The following LMTK2 variants were observed in gnomAD, a reference collection of about 807,000 sequenced individuals.
LMTK2 encodes the protein serine/threonine-protein kinase LMTK2.
In LMTK2, 37 loss-of-function variants were observed where a neutral mutation model predicts 127.5. The ratio of observed to expected loss-of-function variants is 0.29; its 90% CI spans 0.22 to 0.38. The LOEUF (loss-of-function observed/expected upper bound fraction) is 0.38, where lower values mean the gene tolerates loss of function less well. Ranked by LOEUF, LMTK2 falls within the 10% of genes least tolerant of loss-of-function variation. The pLI is 1.00. For missense variants in LMTK2, 1,694 were observed against 1,920.3 expected (o/e 0.88, Z 2.20); for synonymous variants, 819 against 810.1 (o/e 1.01, Z -0.19).
In LMTK2 at chr7:98,140,591, T is replaced by G. The variant is rs968514599; in HGVS notation, c.232-806T>G. Among the ~76,000 whole-genome samples, 3 of 152,316 alleles carry G rather than the reference T, an allele frequency of 2.0e-5. No homozygotes were observed. The East Asian group carries it at 5.8e-4, about 29-fold the overall frequency. ...TTTTTTTAGCTAATTTAGTAATGTTTCCATTGTTACTCTTTTCAGAGAAAT... is the reference window on the plus strand; with the variant it reads ...TTTTTTTAGCTAATTTAGTAATGTTGCCATTGTTACTCTTTTCAGAGAAAT... On this transcript the variant is annotated intron_variant, in intron 2 of 13. Transcript: ENST00000297293.
chr7:98,151,442 G>T lies in LMTK2; in HGVS notation c.437G>T (p.Gly146Val). The T allele has an allele frequency of 6.2e-7, 1 of 1,613,300 alleles. No homozygotes were observed. The highest frequency in any genetic ancestry group is 8.5e-7 in the Non-Finnish European group (1 of 1,179,290). The change falls in exon 4 of 14, where the codon GGC (glycine) becomes GTC (valine). Residue 146 changes from glycine to valine, a missense_variant. Transcript: ENST00000297293. ...SLNYIQEIGN[G>V]WFGKVLLGEI... ...AACTACATACAGGAAATTGGAAATG[G>T]CTGGTTTGGAAAGGTAAGATGCTCT...
Position 98,203,644 on chromosome 7 carries a change from C to G in LMTK2, c.4178C>G (p.Pro1393Arg), listed in dbSNP as rs1797742123. The change falls in exon 12 of 14, where the codon CCA (proline) becomes CGA (arginine). Residue 1393 changes from proline (P) to arginine (R), a missense_variant. By Grantham distance (103) the Pro-to-Arg change is moderately radical. Transcript: ENST00000297293. ...ACGPDLSGPA[P>R]ASGSPYLSRC... The stretch of plus-strand genomic sequence containing the variant: ...GGCCCGGACCTGAGCGGCCCAGCCC[C>G]AGCCTCAGGCTCTCCCTACCTGAGC... 2 of 1,613,794 alleles carry G rather than the reference C, an allele frequency of 1.2e-6. No individual in the cohort carries two copies. The highest frequency in any genetic ancestry group is 1.7e-6 in the Non-Finnish European group (2 of 1,179,962).
intron 1 of LMTK2, among the ~76,000 whole-genome samples, chr7:98,111,433 A>G (rs1796200036): frequency 6.6e-6 from 1 of 152,248 alleles, no homozygotes; most frequent in Non-Finnish European, 1.5e-5. Flanking sequence ...TTTAGTTGAG[A>G]GTAAAATTCA....
chr7:98,154,892 C>T lies in LMTK2; in HGVS notation c.569+16C>T, dbSNP rs371575543. On this transcript the variant is annotated intron_variant, in intron 5 of 13. Transcript: ENST00000297293. ...AACCTTACTAGTAAGTAAACCTTGT[C>T]ATGTGTTCTGTAAGACTAGTCTGTG... 1 of 1,418,116 alleles carries T rather than the reference C, an allele frequency of 7.1e-7. No individual in the cohort carries two copies. The highest frequency in any genetic ancestry group is 1.4e-5 in the African/African-American group (1 of 70,914). 87.8% of individuals were successfully genotyped at this position (1,418,116 alleles called of 1,614,324 possible). A position where few individuals can be genotyped will look rare whatever the true frequency, so the allele number is the denominator to read the frequency against.
chr7:98,116,890 G>C (rs955201625), intron 1 of LMTK2, among the ~76,000 whole-genome samples: 24 of 152,212 alleles, frequency 1.6e-4, no homozygotes, highest in Admixed American at 1.3e-4. Context: ...TGACTGGTCA[G>C]ATATTTTGTA....
In LMTK2 at chr7:98,125,317, AT is replaced by A. The variant is rs1215661262; in HGVS notation, c.104-11997del. On this transcript the variant is annotated intron_variant, in intron 1 of 13. Coordinates refer to ENST00000297293, the MANE Select transcript of LMTK2 (RefSeq NM_014916.4). ...GACTCCGTCTCAAAAAAAAAAAAAA[AT>A]CTCCCCAGTCCTTTGTTTTATTTTT... Among the ~76,000 whole-genome samples, 6 of 149,952 alleles carry A rather than the reference AT, an allele frequency of 4.0e-5. No individual in the cohort carries two copies. The South Asian group carries it at 6.4e-4, about 16-fold the overall frequency.
At position 98,205,472 on chromosome 7, in the gene LMTK2, G is replaced by T; in HGVS notation, c.4492G>T (p.Glu1498Ter). 1 of 1,613,486 alleles carries T rather than the reference G, an allele frequency of 6.2e-7. No homozygotes were observed. Among genetic ancestry groups the T allele is most frequent in the Non-Finnish European group, 8.5e-7 (1 of 1,180,038 alleles). Residue 1498 changes from glutamate to a stop codon, truncating the protein, a stop_gained, in exon 14 of 14, where the codon GAA becomes TAA. Transcript: ENST00000297293. LOFTEE classifies it high-confidence loss of function. ...TCCTCTCTCCTCAACAGGAAGCAGC[G>T]AAGACGGAGAAAAGGACTAGGTGGC... Reference protein sequence around the residue: ...DSDIEQGGSSEDGEKD With the variant: ...DSDIEQGGSS
At chr7:98,140,077 A>ACTTACTTACTTTCTTTCTTT in intron 2 of LMTK2, among the ~76,000 whole-genome samples, 1 of 23,754 alleles carries the variant, frequency 4.2e-5, no homozygotes, top group Middle Eastern at 0.016. Context: ...GGTTTCCACA[A>ACTTACTTACTTTCTTTCTTT]CTTTCTTTCT....
chr7:98,108,285 T>G (rs1476834035), intron 1 of LMTK2, among the ~76,000 whole-genome samples: 1 of 152,198 alleles, frequency 6.6e-6, no homozygotes, highest in African/African-American at 2.4e-5. Flanking sequence ...CCCCTAGTTG[T>G]ATGATTTTTT....
chr7:98,146,624 A>G (rs892165083), intron 3 of LMTK2, among the ~76,000 whole-genome samples: 1 of 152,216 alleles, frequency 6.6e-6, no homozygotes, highest in African/African-American at 2.4e-5. Context: ...CTTAGCTTCA[A>G]CAGCACACAA....
At chr7:98,151,523 G>A in intron 4 of LMTK2, 68 bp downstream of exon 4, 5 of 1,289,680 alleles carry the variant, frequency 3.9e-6, no homozygotes, top group South Asian at 1.2e-5. Flanking sequence ...GGCTGATGAA[G>A]AATTGTGTTG....
chr7:98,195,406 T>A (rs989083053), intron 11 of LMTK2, among the ~76,000 whole-genome samples: 1 of 152,002 alleles, frequency 6.6e-6, no homozygotes, highest in Non-Finnish European at 1.5e-5. Context: ...CAGCTTAGTG[T>A]GCACTGCTGA....
In LMTK2 at chr7:98,192,882, C is replaced by T. The variant is rs1184430837; in HGVS notation, c.2417C>T (p.Ser806Leu). 1 of 1,614,162 alleles carries T rather than the reference C, an allele frequency of 6.2e-7. No homozygotes were observed. ...CTCACAGGTGACACTTTGAGCACCT[C>T]ATTGCAGTCTTCCCCGGAAGTGCAG... is the stretch of plus-strand genomic sequence containing the variant. ...VMLTGDTLST[S>L]LQSSPEVQVP... The change falls in exon 11 of 14, where the codon TCA becomes TTA. Residue 806 changes from serine (S) to leucine (L), a missense_variant. By Grantham distance (145) the Ser-to-Leu change is moderately radical. This residue lies in a region of LMTK2 where 527 missense variants were observed against 539.8 expected (regional missense o/e 0.98). Coordinates refer to ENST00000297293, the MANE Select transcript of LMTK2 (RefSeq NM_014916.4).
Position 98,163,209 on chromosome 7 carries a change from A to G in LMTK2, c.657+3784A>G, listed in dbSNP as rs562494845. Among the ~76,000 whole-genome samples, 10 of 152,290 alleles carry G rather than the reference A, an allele frequency of 6.6e-5. No individual in the cohort carries two copies. In the South Asian group the frequency reaches 2.1e-3, roughly 32 times the overall value. ...CAAGTTCTGGAGGGGGCTGGTGGTA[A>G]TGGTTGTGCAGCAAGAAGAATGTAC... On this transcript the variant is annotated intron_variant, in intron 6 of 13. Transcript: ENST00000297293.
rs766524562 is a variant in LMTK2 at position 98,154,790 on chromosome 7, C to T, written c.483C>T (p.Ser161=). 1.4e-5 allele frequency: 22 copies of T among 1,613,126 alleles called. 1 individual carries two copies. Among genetic ancestry groups the T allele is most frequent in the Middle Eastern group, 1.7e-4 (1 of 6,052 alleles). The change falls in exon 5 of 14, where the codon AGC becomes AGT. Residue 161 remains serine (S), a synonymous_variant. Coordinates refer to ENST00000297293, the MANE Select transcript of LMTK2 (RefSeq NM_014916.4). The part of the protein sequence containing the change: ...VLLGEIYTGT[S]VARVIVKELK... ...TGGGAGAGATTTACACGGGCACTAG[C>T]GTAGCAAGAGTCATCGTGAAGGAGT...
intron 11 of LMTK2, among the ~76,000 whole-genome samples, chr7:98,202,202 C>T (rs890747565): frequency 1.3e-4 from 20 of 152,100 alleles, no homozygotes; most frequent in African/African-American, 4.8e-4. Context: ...TCGTCATCTC[C>T]ATTATGCTGT....
rs558810385 is a variant in LMTK2 at position 98,186,506 on chromosome 7, G to T, written c.877-371G>T. Among the ~76,000 whole-genome samples the T allele has an allele frequency of 3.3e-5, 5 of 152,336 alleles. No individual in the cohort carries two copies. In the South Asian group the frequency reaches 1.0e-3, roughly 32 times the overall value. ...GAATGAGGACTTCAAACCCCGGTCT[G>T]TCAGAGTCTAAAGCCTACAGTCTTG... is the stretch of plus-strand genomic sequence containing the variant. On this transcript the variant is annotated intron_variant, in intron 8 of 13. Coordinates refer to ENST00000297293, the MANE Select transcript of LMTK2 (RefSeq NM_014916.4).
intron 3 of LMTK2, among the ~76,000 whole-genome samples, chr7:98,144,356 C>T (rs1263330134): frequency 6.6e-6 from 1 of 151,704 alleles, no homozygotes; most frequent in African/African-American, 2.4e-5. Flanking sequence ...TGGCATGAAC[C>T]CGGGAGGCGG....
At chr7:98,178,554 A>T (rs1477087377) in intron 7 of LMTK2, among the ~76,000 whole-genome samples, 1 of 152,214 alleles carries the variant, frequency 6.6e-6, no homozygotes, top group East Asian at 1.9e-4. Context: ...TGCCACTGGT[A>T]GCCTCATCCC....
Sources: gnomAD v4.1 joint callset for allele counts (sites outside exome capture counted in the v4.1 genomes callset) on GRCh38, gnomAD v4.1.1 for gene constraint, gnomAD v4.1.1 regional missense constraint, MANE v1.5 for transcripts, NCBI Gene and HGNC (gene_info 2026-07-23, HGNC 2026-07-21) for gene names.